Variants in SHROOM3 observed in about 807,000 individuals in gnomAD.
The protein encoded by SHROOM3 is shroom family member 3, also known as protein Shroom3.
A neutral mutation model predicts 138.6 loss-of-function variants in SHROOM3; 47 were observed. The observed-to-expected ratio is 0.34, with a 90% CI of 0.27 to 0.43. The LOEUF (loss-of-function observed/expected upper bound fraction) is 0.43. Among genes scored for constraint, SHROOM3 ranks in the 20% least tolerant of loss-of-function variants. The pLI, the probability that SHROOM3 is intolerant of heterozygous loss-of-function variation, is 1.00. For synonymous variants in SHROOM3, 1,062 were observed against 1,063.3 expected (o/e 1.00, Z 0.02); for missense variants, 2,491 against 2,596.5 (o/e 0.96, Z 0.88).
chr4:76,442,652 G>A (rs1224777195), intron 1 of SHROOM3, among the ~76,000 whole-genome samples: 5 of 151,536 alleles, frequency 3.3e-5, no homozygotes, highest in African/African-American at 1.2e-4. Flanking sequence ...CTTATGATCC[G>A]CCCACCTCGG....
At chr4:76,582,727 A>T (rs935086295) in intron 2 of SHROOM3, among the ~76,000 whole-genome samples, 1 of 152,196 alleles carries the variant, frequency 6.6e-6, no homozygotes, top group Non-Finnish European at 1.5e-5. Flanking sequence ...CACCACAAAT[A>T]TTAGGACTAG....
At chr4:76,471,499 C>T (rs1359970130) in intron 1 of SHROOM3, among the ~76,000 whole-genome samples, 1 of 152,168 alleles carries the variant, frequency 6.6e-6, no homozygotes. Context: ...ACCTTGGCCT[C>T]CCAAAGTGCT....
intron 2 of SHROOM3, among the ~76,000 whole-genome samples, chr4:76,597,305 G>A (rs1482070968): frequency 6.6e-6 from 1 of 152,172 alleles, no homozygotes; most frequent in East Asian, 1.9e-4. Context: ...AAGGATTCGA[G>A]GAGTGAGTGA....
At chr4:76,551,133 A>G (rs2110026382) in intron 1 of SHROOM3, among the ~76,000 whole-genome samples, 1 of 149,938 alleles carries the variant, frequency 6.7e-6, no homozygotes, top group East Asian at 2.1e-4. Context: ...AGCCTCCTGC[A>G]TAGCTGAGAC....
At chr4:76,667,622 A>G (rs1184477965) in intron 2 of SHROOM3, among the ~76,000 whole-genome samples, 1 of 151,862 alleles carries the variant, frequency 6.6e-6, no homozygotes, top group Non-Finnish European at 1.5e-5. Context: ...CCTGTTATGT[A>G]TTCTTTACAA....
chr4:76,740,631 A>T lies in SHROOM3; in HGVS notation c.2458A>T (p.Thr820Ser). The change falls in exon 5 of 11, where the codon ACT becomes TCT. Residue 820 changes from threonine to serine, a missense_variant. Transcript: ENST00000296043. The surrounding 1 kb of genome is among the most constrained non-coding windows in gnomAD (Gnocchi z 4.0). The part of the protein sequence containing the change: ...RPHRTVSTSS[T>S]SGNDFEETKA... ...CCACAGGACCGTCTCAACTTCCAGTACTTCTGGGAATGACTTCGAGGAGAC... is the reference window on the plus strand; with the variant it reads ...CCACAGGACCGTCTCAACTTCCAGTTCTTCTGGGAATGACTTCGAGGAGAC... 1.2e-6 allele frequency: 2 copies of T among 1,614,180 alleles called. No homozygotes were observed. Among genetic ancestry groups the T allele is most frequent in the Non-Finnish European group, 1.7e-6 (2 of 1,180,024 alleles).
intron 1 of SHROOM3, among the ~76,000 whole-genome samples, chr4:76,443,967 A>G (rs1175115163): frequency 6.6e-6 from 1 of 152,164 alleles, no homozygotes; most frequent in Admixed American, 6.5e-5. Flanking sequence ...TCATTCTGTC[A>G]CCTAGGCTAG....
chr4:76,533,490 G>A (rs767151146), intron 1 of SHROOM3, among the ~76,000 whole-genome samples: 37 of 152,304 alleles, frequency 2.4e-4, no homozygotes, highest in Non-Finnish European at 5.0e-4. Context: ...CCCTTTTGCT[G>A]CCAAGGGATC....
chr4:76,772,373 G>C (rs1722392262), intron 10 of SHROOM3, among the ~76,000 whole-genome samples: 1 of 151,842 alleles, frequency 6.6e-6, no homozygotes, highest in South Asian at 2.1e-4. Context: ...CAAAGTGCTG[G>C]GGTTACAGGC....
chr4:76,748,873 G>C, intron 5 of SHROOM3, 144 bp from the exon 6 acceptor site: 1 of 698,522 alleles, frequency 1.4e-6, no homozygotes, highest in Admixed American at 1.8e-5. Context: ...GATGCCATGG[G>C]ATTATGTAAG....
chr4:76,475,433 T>C (rs534816660), intron 1 of SHROOM3, among the ~76,000 whole-genome samples: 15 of 152,348 alleles, frequency 9.8e-5, no homozygotes, highest in African/African-American at 3.4e-4. Context: ...CATAGTTTCA[T>C]GAATGCTGGC....
intron 2 of SHROOM3, among the ~76,000 whole-genome samples, chr4:76,569,762 C>T (rs945483313): frequency 6.6e-6 from 1 of 151,296 alleles, no homozygotes; most frequent in Admixed American, 6.6e-5. Context: ...GCTGTGGTGT[C>T]TATTTAACTC....
At position 76,449,683 on chromosome 4, in the gene SHROOM3, C is replaced by T. The variant is rs150256349; in HGVS notation, c.168+13463C>T. Among the ~76,000 whole-genome samples, 481 of 152,256 alleles carry T rather than the reference C, an allele frequency of 3.2e-3. 3 individuals are homozygous for T. Among genetic ancestry groups the T allele is most frequent in the African/African-American group, 0.011 (455 of 41,536 alleles). ...TGACAGCCATTAGTCTGCTTTAAAC[C>T]TCAGCTTGATCTTGAATGGATAGAA... On this transcript the variant is annotated intron_variant, in intron 1 of 10. Coordinates refer to ENST00000296043, the MANE Select transcript of SHROOM3 (RefSeq NM_020859.4).
At chr4:76,537,335 C>T (rs1349186343) in intron 1 of SHROOM3, among the ~76,000 whole-genome samples, 13 of 152,114 alleles carry the variant, frequency 8.5e-5, no homozygotes, top group Non-Finnish European at 1.3e-4. Flanking sequence ...TCCAGAGGGG[C>T]AGAGTGTATG....
chr4:76,704,554 A>G (rs1719995284), intron 2 of SHROOM3, among the ~76,000 whole-genome samples: 1 of 152,250 alleles, frequency 6.6e-6, no homozygotes, highest in South Asian at 2.1e-4. Flanking sequence ...AGCATGTGCA[A>G]AAAGCAAAGA....
chr4:76,661,577 C>T (rs1428027044), intron 2 of SHROOM3, among the ~76,000 whole-genome samples: 3 of 152,154 alleles, frequency 2.0e-5, no homozygotes, highest in Admixed American at 6.5e-5. Flanking sequence ...CTTTGTGCCC[C>T]TTTCCAGTCC....
At chr4:76,771,247 G>A (rs967991029) in intron 10 of SHROOM3, among the ~76,000 whole-genome samples, 3 of 152,004 alleles carry the variant, frequency 2.0e-5, no homozygotes, top group African/African-American at 7.3e-5. Context: ...GCACCATGGT[G>A]CGTGCTTGTA....
In SHROOM3 at chr4:76,673,481, T is replaced by C. The variant is rs552390282; in HGVS notation, c.324-36675T>C. 7.9e-5 allele frequency among the ~76,000 whole-genome samples: 12 copies of C among 152,316 alleles called. No homozygotes were observed. The South Asian group carries it at 2.5e-3, about 32-fold the overall frequency. The stretch of plus-strand genomic sequence containing the variant: ...ATATTTTTCTGTTTTTTGTCCTTTT[T>C]GTCTACATAAAGAGAAAGGATGTTT... On this transcript the variant is annotated intron_variant, in intron 2 of 10. Coordinates refer to ENST00000296043, the MANE Select transcript of SHROOM3 (RefSeq NM_020859.4).
chr4:76,710,202 T>C lies in SHROOM3; in HGVS notation c.370T>C (p.Phe124Leu). 6.2e-7 allele frequency: 1 copy of C among 1,614,150 alleles called. No homozygotes were observed. The highest frequency in any genetic ancestry group is 8.5e-7 in the Non-Finnish European group (1 of 1,180,012). The change falls in exon 3 of 11, where the codon TTC becomes CTC. Residue 124 changes from phenylalanine to leucine, a missense_variant. Around this residue, in one of 4 missense-constraint regions of SHROOM3, gnomAD observed 284 missense variants for 322.8 expected, o/e 0.88. Transcript: ENST00000296043. ...CCATGCAGATACTGGTGCCTCTAACTTCGTCAGCCCAGAACACCTCACCTC... is the reference window on the plus strand; with the variant it reads ...CCATGCAGATACTGGTGCCTCTAACCTCGTCAGCCCAGAACACCTCACCTC... ...PGHADTGASNFVSPEHLTSGP... is the reference protein window; with the variant it reads ...PGHADTGASNLVSPEHLTSGP...
Sources: allele counts gnomAD v4.1 joint callset (sites outside exome capture counted in the v4.1 genomes callset), GRCh38; gene constraint gnomAD v4.1.1; regional missense constraint gnomAD v4.1.1; non-coding constraint Gnocchi (gnomAD v3.1); transcripts MANE v1.5; gene names NCBI Gene and HGNC (gene_info 2026-07-23, HGNC 2026-07-21).